CREB3L2: variants seen among roughly 807,000 people sequenced by gnomAD.
CREB3L2 encodes the protein cyclic AMP-responsive element-binding protein 3-like protein 2.
A neutral mutation model predicts 57.2 loss-of-function variants in CREB3L2; 23 were observed. The ratio of observed to expected loss-of-function variants is 0.40; its 90% CI spans 0.29 to 0.57. The LOEUF (loss-of-function observed/expected upper bound fraction) is 0.57. Among genes scored for constraint, CREB3L2 ranks in the 20% least tolerant of loss-of-function variants. The pLI, the probability that CREB3L2 is intolerant of heterozygous loss-of-function variation, is 0.42. For missense variants in CREB3L2, 628 were observed against 634.7 expected (o/e 0.99, Z 0.11); for synonymous variants, 268 against 265.1 (o/e 1.01, Z -0.11).
rs78460742 is a variant in CREB3L2, at chr7:137,949,465, G to A, written c.103-21099C>T. Among the ~76,000 whole-genome samples the A allele has an allele frequency of 6.6e-3, 1,012 of 152,320 alleles. 19 individuals carry two copies. The highest frequency in any genetic ancestry group is 0.052 in the East Asian group (271 of 5,188). ...TTCTCCAGTAATTCAAAGGCTTGGG[G>A]AGGATTTCCCTAGTTTCAAGATCCT... On this transcript the variant is annotated intron_variant, in intron 1 of 11. Transcript: ENST00000330387.
At chr7:137,931,581 C>T (rs987777824) in intron 1 of CREB3L2, among the ~76,000 whole-genome samples, 18 of 150,924 alleles carry the variant, frequency 1.2e-4, no homozygotes, top group Non-Finnish European at 2.4e-4. Context: ...TCTGTAATCC[C>T]AGAACTCTGG....
At chr7:137,895,795 A>G (rs1799617910) in intron 8 of CREB3L2, among the ~76,000 whole-genome samples, 2 of 152,292 alleles carry the variant, frequency 1.3e-5, no homozygotes, top group South Asian at 4.1e-4. Flanking sequence ...TCAATGATGA[A>G]ACAGCCACTC....
At chr7:137,883,567 C>T (rs1429916858) in intron 10 of CREB3L2, among the ~76,000 whole-genome samples, 3 of 151,918 alleles carry the variant, frequency 2.0e-5, no homozygotes, top group Non-Finnish European at 4.4e-5. Context: ...GAAATTAGGC[C>T]CAGTAAGAAA....
chr7:137,898,827 C>A (rs1443918252), intron 8 of CREB3L2, among the ~76,000 whole-genome samples: 1 of 147,666 alleles, frequency 6.8e-6, no homozygotes, highest in Non-Finnish European at 1.5e-5. Flanking sequence ...AACTTACAGA[C>A]AAAAAGATAT....
At chr7:137,891,588 T>C (rs1371859080) in intron 8 of CREB3L2, among the ~76,000 whole-genome samples, 1 of 152,068 alleles carries the variant, frequency 6.6e-6, no homozygotes, top group Non-Finnish European at 1.5e-5. Flanking sequence ...TTCTTTTTTT[T>C]TTTTGAGACG....
intron 1 of CREB3L2, among the ~76,000 whole-genome samples, chr7:137,991,476 T>C (rs906854547): frequency 2.0e-5 from 3 of 152,106 alleles, no homozygotes; most frequent in Non-Finnish European, 4.4e-5. Context: ...AAATAGCTTA[T>C]TTTTTAAAGA....
At chr7:137,948,357 T>G (rs2117267946) in intron 1 of CREB3L2, among the ~76,000 whole-genome samples, 1 of 152,364 alleles carries the variant, frequency 6.6e-6, no homozygotes, top group East Asian at 1.9e-4. Context: ...TTTTCTCAAC[T>G]AGTGCCTAAG....
intron 1 of CREB3L2, among the ~76,000 whole-genome samples, chr7:137,945,125 C>T (rs890479567): frequency 6.6e-6 from 1 of 151,950 alleles, no homozygotes; most frequent in African/African-American, 2.4e-5. Context: ...CAGCTTCTGA[C>T]CTCAGGTAAT....
intron 1 of CREB3L2, among the ~76,000 whole-genome samples, chr7:137,970,969 A>AC (rs1196261760): frequency 1.3e-5 from 2 of 152,222 alleles, no homozygotes; most frequent in African/African-American, 4.8e-5. Context: ...AGTGTGAGAT[A>AC]CTTAAGAATA....
At chr7:137,916,411 T>C (rs1489698306) in intron 2 of CREB3L2, among the ~76,000 whole-genome samples, 2 of 152,096 alleles carry the variant, frequency 1.3e-5, no homozygotes, top group Non-Finnish European at 2.9e-5. Context: ...ATAAGCACAT[T>C]TAAAAACATG....
chr7:137,918,240 G>A (rs190296843), intron 2 of CREB3L2, among the ~76,000 whole-genome samples: 2 of 152,104 alleles, frequency 1.3e-5, no homozygotes, highest in Non-Finnish European at 2.9e-5. Flanking sequence ...ACCCAGGCTG[G>A]AGTGCAGTGG....
At chr7:137,893,357 A>G (rs984227326) in intron 8 of CREB3L2, among the ~76,000 whole-genome samples, 4 of 152,246 alleles carry the variant, frequency 2.6e-5, no homozygotes, top group Non-Finnish European at 5.9e-5. Flanking sequence ...GAAAGTTCAC[A>G]CTCTTCACAC....
At chr7:137,890,697 T>C (rs768839628) in intron 8 of CREB3L2, among the ~76,000 whole-genome samples, 18 of 152,344 alleles carry the variant, frequency 1.2e-4, no homozygotes, top group South Asian at 4.1e-4. Flanking sequence ...GTCCTTTTTA[T>C]GGGAAAGCCT....
intron 1 of CREB3L2, among the ~76,000 whole-genome samples, chr7:137,967,638 G>A (rs899426226): frequency 5.9e-5 from 9 of 152,112 alleles, no homozygotes; most frequent in Non-Finnish European, 8.8e-5. Context: ...CTGGCTCTTC[G>A]ATTCTCTCCC....
In CREB3L2 at chr7:138,002,011, A is replaced by G; in HGVS notation, c.-306T>C. Reference sequence around the variant, plus strand: ...GAAGACCCGCTCTCATCCCAGGAAAATCCCTTAGCCGCAAGCCCACTTGCC... The same window carrying G: ...GAAGACCCGCTCTCATCCCAGGAAAGTCCCTTAGCCGCAAGCCCACTTGCC... On this transcript the variant is annotated 5_prime_UTR_variant, in exon 1 of 12. Coordinates refer to ENST00000330387, the MANE Select transcript of CREB3L2 (RefSeq NM_194071.4). 2.9e-6 allele frequency: 1 copy of G among 349,448 alleles called. No individual in the cohort carries two copies. The highest frequency in any genetic ancestry group is 5.2e-6 in the Non-Finnish European group (1 of 190,694). The allele number at this position is 349,448 out of a possible 1,614,324, so 21.6% of individuals were successfully genotyped here. A position where few individuals can be genotyped will look rare whatever the true frequency, so the allele number is the denominator to read the frequency against.
At chr7:137,992,712 G>C (rs1009212628) in intron 1 of CREB3L2, among the ~76,000 whole-genome samples, 1 of 152,186 alleles carries the variant, frequency 6.6e-6, no homozygotes, top group Non-Finnish European at 1.5e-5. Flanking sequence ...TTAACAGCTG[G>C]TATGGAAGCC....
At chr7:137,987,934 T>C (rs1220990631) in intron 1 of CREB3L2, among the ~76,000 whole-genome samples, 1 of 152,266 alleles carries the variant, frequency 6.6e-6, no homozygotes, top group Non-Finnish European at 1.5e-5. Context: ...AAAAGTCATC[T>C]GTTTCCCAGT....
At chr7:137,968,465 G>T (rs1162447371) in intron 1 of CREB3L2, among the ~76,000 whole-genome samples, 1 of 152,072 alleles carries the variant, frequency 6.6e-6, no homozygotes, top group Non-Finnish European at 1.5e-5. Flanking sequence ...GCAGCGTGTG[G>T]TTTTCTGTCC....
intron 8 of CREB3L2, among the ~76,000 whole-genome samples, chr7:137,886,712 G>C (rs1404301879): frequency 7.0e-6 from 1 of 143,138 alleles, no homozygotes; most frequent in Non-Finnish European, 1.5e-5. Context: ...AAAAAGACAA[G>C]AGAGCAAGAG....
Sources: gnomAD v4.1 joint callset for allele counts (sites outside exome capture counted in the v4.1 genomes callset) on GRCh38, gnomAD v4.1.1 for gene constraint, MANE v1.5 for transcripts, NCBI Gene and HGNC (gene_info 2026-07-23, HGNC 2026-07-21) for gene names.